Variants in COL19A1 observed in about 807,000 individuals in gnomAD.
COL19A1 encodes collagen alpha-1(XIX) chain.
COL19A1 carries 159 observed loss-of-function variants against 190.2 expected under a neutral mutation model. That is an observed-to-expected ratio of 0.84 (90% CI 0.73 to 0.95). The LOEUF (loss-of-function observed/expected upper bound fraction) is 0.95. Among genes scored for constraint, COL19A1 ranks in the 40% least tolerant of loss-of-function variants. The probability of loss-of-function intolerance (pLI) is 0.00; values close to 1 mark genes in which losing one functional copy is unlikely to be tolerated. For missense variants in COL19A1, 1,418 were observed against 1,431.9 expected (o/e 0.99, Z 0.16); for synonymous variants, 509 against 458.9 (o/e 1.11, Z -1.39).
At chr6:69,890,997 TA>T in intron 2 of COL19A1, 1 of 321,984 alleles carries the variant, frequency 3.1e-6, no homozygotes. Context: ...GAGGCCTATC[TA>T]AGGGTTCCTA....
chr6:69,988,116 C>T (rs1269257204), intron 11 of COL19A1, among the ~76,000 whole-genome samples: 1 of 152,074 alleles, frequency 6.6e-6, no homozygotes, highest in Admixed American at 6.6e-5. Context: ...ACACCAGATT[C>T]GAAATGACTT....
intron 42 of COL19A1, among the ~76,000 whole-genome samples, chr6:70,177,800 T>C (rs182241495): frequency 4.1e-4 from 63 of 152,342 alleles, no homozygotes; most frequent in Admixed American, 7.8e-4. Flanking sequence ...GAATTTTTGT[T>C]TCCTTGTGAT....
rs147179667 is a variant in COL19A1, at chr6:70,156,119, C to T, written c.2080-8C>T. On this transcript the variant is annotated splice_polypyrimidine_tract_variant and splice_region_variant and intron_variant, in intron 31 of 50. Transcript: ENST00000620364. ...CTCCCTCAGTAACCTTATCTTTATACTCATTAGAATTTCTGTGGCAACTGC... is the reference window on the plus strand; with the variant it reads ...CTCCCTCAGTAACCTTATCTTTATATTCATTAGAATTTCTGTGGCAACTGC... 2.0e-4 allele frequency: 325 copies of T among 1,611,308 alleles called. No homozygotes were observed. The African/African-American group carries it at 3.6e-3, about 18-fold the overall frequency.
At chr6:70,162,134 C>T (rs374140986) in intron 35 of COL19A1, among the ~76,000 whole-genome samples, 181 bp downstream of exon 35, 1 of 152,168 alleles carries the variant, frequency 6.6e-6, no homozygotes. Flanking sequence ...TAAGGCTACT[C>T]AGTGTCCTGG....
At chr6:69,893,407 G>A (rs1482003435) in intron 2 of COL19A1, among the ~76,000 whole-genome samples, 1 of 152,128 alleles carries the variant, frequency 6.6e-6, no homozygotes, top group Non-Finnish European at 1.5e-5. Flanking sequence ...TGACAAAAAA[G>A]TTTGGTTATC....
At chr6:70,186,954 C>T (rs10945201) in intron 46 of COL19A1, among the ~76,000 whole-genome samples, 8,545 of 152,070 alleles carry the variant, frequency 0.056, 440 homozygotes, top group African/African-American at 0.13. Flanking sequence ...CTCAACTCAC[C>T]GCAACCTCCG....
chr6:70,075,000 T>C (rs1207271143), intron 15 of COL19A1, among the ~76,000 whole-genome samples: 3 of 152,196 alleles, frequency 2.0e-5, no homozygotes, highest in African/African-American at 7.2e-5. Context: ...ACGTATACCT[T>C]AAAAATAACA....
intron 6 of COL19A1, among the ~76,000 whole-genome samples, chr6:69,930,719 G>A (rs1772704588): frequency 2.6e-5 from 4 of 152,134 alleles, no homozygotes; most frequent in Admixed American, 2.6e-4. Context: ...TCGGGAGGCT[G>A]AGGCAGGAGG....
At chr6:69,916,403 C>G (rs1771311489) in intron 4 of COL19A1, among the ~76,000 whole-genome samples, 1 of 152,144 alleles carries the variant, frequency 6.6e-6, no homozygotes, top group African/African-American at 2.4e-5. Flanking sequence ...AGAAAATGAT[C>G]TAAGGAATTA....
chr6:70,068,507 T>A (rs1781379155), intron 15 of COL19A1, 31 bp downstream of exon 15: 7 of 1,447,846 alleles, frequency 4.8e-6, no homozygotes, highest in Non-Finnish European at 6.7e-6. Context: ...TGGTGGGCAT[T>A]ACTAACTTAG....
At chr6:70,081,309 C>G (rs933649199) in intron 15 of COL19A1, among the ~76,000 whole-genome samples, 7 of 152,104 alleles carry the variant, frequency 4.6e-5, no homozygotes. Flanking sequence ...ATCTAATTAC[C>G]TATAATGGGC....
Position 70,049,910 on chromosome 6 carries a change from T to C in COL19A1, c.1170+13971T>C, listed in dbSNP as rs571398549. On this transcript the variant is annotated intron_variant, in intron 14 of 50. Transcript: ENST00000620364. ...TCTAAGCATTTAAAAATCTTTGTGG[T>C]AATGCCTTATATTGATATATTAAAT... 2.0e-5 allele frequency among the ~76,000 whole-genome samples: 3 copies of C among 152,212 alleles called. No homozygotes were observed. The East Asian group carries it at 5.8e-4, about 29-fold the overall frequency.
chr6:69,884,508 T>C (rs1045590699), intron 2 of COL19A1, among the ~76,000 whole-genome samples: 2 of 152,204 alleles, frequency 1.3e-5, no homozygotes, highest in Non-Finnish European at 2.9e-5. Flanking sequence ...TTTAAGCACA[T>C]GTTTAAAACT....
chr6:70,176,497 G>A (rs373849150), intron 41 of COL19A1, 23 bp from the exon 42 acceptor site: 8 of 1,610,716 alleles, frequency 5.0e-6, no homozygotes, highest in East Asian at 4.5e-5. Context: ...CATTAAAGTA[G>A]CAATGTTTTT....
chr6:70,126,844 T>C (rs911557483), intron 17 of COL19A1, among the ~76,000 whole-genome samples: 2 of 152,246 alleles, frequency 1.3e-5, no homozygotes, highest in African/African-American at 4.8e-5. Context: ...GGTGGTTCCT[T>C]GGCCATCTTC....
At chr6:70,197,775 A>T (rs1767303983) in intron 48 of COL19A1, among the ~76,000 whole-genome samples, 1 of 152,142 alleles carries the variant, frequency 6.6e-6, no homozygotes, top group Non-Finnish European at 1.5e-5. Context: ...TTCATCCTTC[A>T]GTCTGCAGCC....
chr6:70,061,124 T>C (rs1488274843), intron 14 of COL19A1, among the ~76,000 whole-genome samples: 1 of 152,166 alleles, frequency 6.6e-6, no homozygotes, highest in East Asian at 1.9e-4. Flanking sequence ...AACAGTGTCC[T>C]GGATCATTAT....
intron 2 of COL19A1, among the ~76,000 whole-genome samples, chr6:69,889,061 C>G (rs868217754): frequency 1.3e-5 from 2 of 152,032 alleles, no homozygotes; most frequent in Non-Finnish European, 2.9e-5. Context: ...TGTTTTGATT[C>G]GTTTATGAAA....
At chr6:69,925,972 G>T (rs893723435) in intron 4 of COL19A1, among the ~76,000 whole-genome samples, 11 of 152,210 alleles carry the variant, frequency 7.2e-5, no homozygotes, top group South Asian at 6.2e-4. Context: ...CTTATCAGCT[G>T]AAGGAGATTT....
Sources: gnomAD v4.1 joint callset for allele counts (sites outside exome capture counted in the v4.1 genomes callset) on GRCh38, gnomAD v4.1.1 for gene constraint, MANE v1.5 for transcripts, NCBI Gene and HGNC (gene_info 2026-07-23, HGNC 2026-07-21) for gene names.